Variants in PKHD1L1 observed in about 807,000 individuals in gnomAD.
The protein encoded by PKHD1L1 is PKHD1 like 1, also known as fibrocystin-L.
In PKHD1L1, 434 loss-of-function variants were observed where a neutral mutation model predicts 462.9. The observed-to-expected ratio is 0.94, with a 90% CI of 0.87 to 1.02. PKHD1L1 has a LOEUF of 1.02. Among genes scored for constraint, PKHD1L1 ranks in the 50% least tolerant of loss-of-function variants. The pLI, the probability that PKHD1L1 is intolerant of heterozygous loss-of-function variation, is 0.00. For missense variants in PKHD1L1, 5,202 were observed against 5,096.1 expected (o/e 1.02, Z -0.63); for synonymous variants, 1,781 against 1,750.0 (o/e 1.02, Z -0.44).
intron 47 of PKHD1L1, 50 bp from the exon 48 acceptor site, chr8:109,461,722 A>G (rs753219808): frequency 1.9e-6 from 3 of 1,554,106 alleles, no homozygotes; most frequent in Admixed American, 1.9e-5. Flanking sequence ...TCTTCAATAT[A>G]AGAGGATTCC....
intron 6 of PKHD1L1, 62 bp downstream of exon 6, chr8:109,385,692 AT>A: frequency 9.1e-7 from 1 of 1,101,028 alleles, no homozygotes; most frequent in Non-Finnish European, 1.3e-6. Flanking sequence ...TATTATAAAA[AT>A]AATGGGTCCA....
At chr8:109,472,997 C>T (rs1817800872) in intron 50 of PKHD1L1, among the ~76,000 whole-genome samples, 1 of 151,872 alleles carries the variant, frequency 6.6e-6, no homozygotes, top group Admixed American at 6.6e-5. Context: ...TACCAGATGG[C>T]AAATTAATTT....
chr8:109,391,036 T>C (rs1249828289), intron 9 of PKHD1L1, among the ~76,000 whole-genome samples: 1 of 152,210 alleles, frequency 6.6e-6, no homozygotes, highest in African/African-American at 2.4e-5. Context: ...AAGATCATCA[T>C]ACATTTATAG....
chr8:109,372,540 T>C (rs1003232680), intron 2 of PKHD1L1, among the ~76,000 whole-genome samples: 4 of 152,196 alleles, frequency 2.6e-5, no homozygotes, highest in African/African-American at 9.7e-5. Flanking sequence ...TCCAACACTA[T>C]ATTGAATAGG....
Position 109,532,593 on chromosome 8 carries a change from T to C in PKHD1L1, c.*2503T>C, listed in dbSNP as rs889769273. ...TAAAAATCCTTTGATGTGTGAATAT[T>C]CTTCTACCTAAGACCTGAAATGTTG... On this transcript the variant is annotated 3_prime_UTR_variant, in exon 78 of 78. Transcript: ENST00000378402. 1.3e-5 allele frequency among the ~76,000 whole-genome samples: 2 copies of C among 152,234 alleles called. No homozygotes were observed. The highest frequency in any genetic ancestry group is 4.8e-5 in the African/African-American group (2 of 41,458).
chr8:109,462,468 T>A (rs1444115678), intron 48 of PKHD1L1, among the ~76,000 whole-genome samples: 2 of 152,142 alleles, frequency 1.3e-5, no homozygotes, highest in East Asian at 3.9e-4. Flanking sequence ...GCCATGCTAG[T>A]CATAGAGGAC....
intron 2 of PKHD1L1, among the ~76,000 whole-genome samples, chr8:109,373,351 T>C (rs1344377103): frequency 5.9e-5 from 9 of 152,226 alleles, no homozygotes; most frequent in Non-Finnish European, 1.3e-4. Flanking sequence ...TGTGGTGATA[T>C]CTCCTTTGTA....
At chr8:109,386,991 T>C (rs1255201724) in intron 6 of PKHD1L1, among the ~76,000 whole-genome samples, 1 of 152,162 alleles carries the variant, frequency 6.6e-6, no homozygotes, top group East Asian at 1.9e-4. Flanking sequence ...TATATGTAAA[T>C]ATAGAATTTT....
chr8:109,492,699 C>T (rs1322632809), intron 62 of PKHD1L1, among the ~76,000 whole-genome samples: 1 of 151,740 alleles, frequency 6.6e-6, no homozygotes, highest in Non-Finnish European at 1.5e-5. Flanking sequence ...ATCTTTAAGG[C>T]TATCTATGGC....
chr8:109,431,364 T>A (rs773721325), intron 27 of PKHD1L1, among the ~76,000 whole-genome samples: 1 of 152,194 alleles, frequency 6.6e-6, no homozygotes, highest in South Asian at 2.1e-4. Context: ...TTGTGTCATA[T>A]TTACTTCCAA....
chr8:109,481,365 C>T, intron 55 of PKHD1L1, 68 bp from the exon 56 acceptor site: 1 of 1,426,616 alleles, frequency 7.0e-7, no homozygotes, highest in Non-Finnish European at 9.2e-7. Context: ...TTCTGAATTC[C>T]TTTTTTATGG....
chr8:109,486,249 C>G (rs1818520791), intron 58 of PKHD1L1, among the ~76,000 whole-genome samples: 2 of 151,828 alleles, frequency 1.3e-5, no homozygotes, highest in East Asian at 3.9e-4. Context: ...TGATTCTCCT[C>G]CTAGCTTTGG....
chr8:109,433,441 T>C (rs1285679448), intron 28 of PKHD1L1, among the ~76,000 whole-genome samples: 1 of 152,200 alleles, frequency 6.6e-6, no homozygotes, highest in East Asian at 1.9e-4. Flanking sequence ...CTTTATCCCA[T>C]AACAGTTTAA....
chr8:109,410,765 T>C (rs1013029880), intron 19 of PKHD1L1, among the ~76,000 whole-genome samples: 1 of 141,104 alleles, frequency 7.1e-6, no homozygotes, highest in Non-Finnish European at 1.5e-5. Context: ...AGTCTCACTC[T>C]GTCTCCAGGC....
chr8:109,498,867 T>A, intron 67 of PKHD1L1, 96 bp downstream of exon 67: 1 of 1,136,862 alleles, frequency 8.8e-7, no homozygotes, highest in Non-Finnish European at 1.2e-6. Context: ...AAAAATGATT[T>A]AAGTGAATTT....
intron 57 of PKHD1L1, among the ~76,000 whole-genome samples, chr8:109,483,977 G>C (rs1274562860): frequency 6.6e-6 from 1 of 151,738 alleles, no homozygotes; most frequent in Non-Finnish European, 1.5e-5. Flanking sequence ...AGAAAAATTA[G>C]AGAAATGGAT....
intron 28 of PKHD1L1, among the ~76,000 whole-genome samples, chr8:109,433,593 G>A (rs967129439): frequency 2.8e-4 from 43 of 152,138 alleles, no homozygotes; most frequent in African/African-American, 1.0e-3. Context: ...TGCCATGCAG[G>A]AAGAGGACCT....
In PKHD1L1 at chr8:109,449,359, C is replaced by G; in HGVS notation, c.6047C>G (p.Thr2016Ser). ...CTAGGGAGCTTTGGTGGGGGTCAAA[C>G]CATGACTGTGACAGGCACCGGATTT... is the stretch of plus-strand genomic sequence containing the variant. ...PSQGSFGGGQ[T>S]MTVTGTGFNP... The change falls in exon 40 of 78, where the codon ACC becomes AGC. Residue 2016 changes from threonine (T) to serine (S), a missense_variant. Transcript: ENST00000378402. The G allele has an allele frequency of 6.3e-7, 1 of 1,577,144 alleles. No individual in the cohort carries two copies.
At chr8:109,449,267 TA>T (rs978074417) in intron 39 of PKHD1L1, 70 bp from the exon 40 acceptor site, 1 of 1,396,468 alleles carries the variant, frequency 7.2e-7, no homozygotes. Flanking sequence ...AAAATAAAGG[TA>T]AAAAATATGT....
Sources: allele counts gnomAD v4.1 joint callset (sites outside exome capture counted in the v4.1 genomes callset), GRCh38; gene constraint gnomAD v4.1.1; transcripts MANE v1.5; gene names NCBI Gene and HGNC (gene_info 2026-07-23, HGNC 2026-07-21).